The following KDM2B variants were observed in gnomAD, a reference collection of about 807,000 sequenced individuals.
KDM2B encodes the protein lysine demethylase 2B, also known as lysine-specific demethylase 2B.
KDM2B carries 26 observed loss-of-function variants against 150.0 expected under a neutral mutation model. That is an observed-to-expected ratio of 0.17 (90% CI 0.13 to 0.24). KDM2B has a LOEUF of 0.24. Among genes scored for constraint, KDM2B ranks in the 10% least tolerant of loss-of-function variants. The probability of loss-of-function intolerance (pLI) is 1.00; values close to 1 mark genes in which losing one functional copy is unlikely to be tolerated. For missense variants in KDM2B, 1,265 were observed against 1,816.9 expected (o/e 0.70, Z 5.52); for synonymous variants, 734 against 729.5 (o/e 1.01, Z -0.10).
intron 8 of KDM2B, among the ~76,000 whole-genome samples, chr12:121,529,711 C>A (rs1489915825): frequency 6.6e-6 from 1 of 151,362 alleles, no homozygotes; most frequent in Admixed American, 6.6e-5. Flanking sequence ...GGGTGGATCA[C>A]TTGACCCTAG....
chr12:121,569,826 TTTTCTTTC>T (rs58941915), intron 4 of KDM2B, among the ~76,000 whole-genome samples: 2 of 149,520 alleles, frequency 1.3e-5, no homozygotes, highest in Middle Eastern at 3.2e-3. Flanking sequence ...TTCTTTTTTC[TTTTCTTTC>T]TTTCTTTCTT....
At chr12:121,555,067 T>C (rs1889795281) in intron 4 of KDM2B, among the ~76,000 whole-genome samples, 1 of 152,078 alleles carries the variant, frequency 6.6e-6, no homozygotes, top group African/African-American at 2.4e-5. Flanking sequence ...ACACCAGTAT[T>C]CCCAGCTACT....
rs1880428087 is a variant in KDM2B, at chr12:121,468,929, C to T, written c.1735-15585G>A. ...CTCTCCTTTTTTTGAGACAGACTCT[C>T]ACTCTGTCGCCCAGGCTGGAGTGCA... is the stretch of plus-strand genomic sequence containing the variant. On this transcript the variant is annotated intron_variant, in intron 12 of 22. Coordinates refer to ENST00000377071, the MANE Select transcript of KDM2B (RefSeq NM_032590.5). The surrounding 1 kb of genome is among the most constrained non-coding windows in gnomAD (Gnocchi z 4.0). The T allele has an allele frequency of 1.3e-5, 2 of 152,196 alleles. No individual in the cohort carries two copies. Among genetic ancestry groups the T allele is most frequent in the Non-Finnish European group, 2.9e-5 (2 of 68,052 alleles). 9.4% of individuals were successfully genotyped at this position (152,196 alleles called of 1,614,324 possible). A position where few individuals can be genotyped will look rare whatever the true frequency, so the allele number is the denominator to read the frequency against.
intron 4 of KDM2B, among the ~76,000 whole-genome samples, chr12:121,572,415 C>T (rs782064775): frequency 1.3e-5 from 2 of 152,168 alleles, no homozygotes; most frequent in South Asian, 2.1e-4. Context: ...CTCACTCACT[C>T]ACTCAGTTCC....
downstream of KDM2B, among the ~76,000 whole-genome samples, chr12:121,425,341 T>C (rs1249355292): frequency 6.6e-6 from 1 of 151,684 alleles, no homozygotes; most frequent in East Asian, 1.9e-4. Flanking sequence ...ACTTGAGCTA[T>C]TATGCAAAAA....
chr12:121,433,020 G>A (rs1873317476), intron 22 of KDM2B: 2 of 408,624 alleles, frequency 4.9e-6, no homozygotes, highest in Admixed American at 2.9e-5. Context: ...GCAGTTACCT[G>A]TCGGTGGTAA....
At chr12:121,456,912 C>A (rs1359442198) in intron 12 of KDM2B, among the ~76,000 whole-genome samples, 1 of 152,186 alleles carries the variant, frequency 6.6e-6, no homozygotes, top group Non-Finnish European at 1.5e-5. Context: ...CCCTGTCTAG[C>A]CGCTGCCAAA....
At position 121,443,750 on chromosome 12, in the gene KDM2B, G is replaced by C; in HGVS notation, c.2495C>G (p.Ser832Trp). The C allele has an allele frequency of 1.2e-6, 2 of 1,610,432 alleles. No individual in the cohort carries two copies. Among genetic ancestry groups the C allele is most frequent in the Non-Finnish European group, 1.7e-6 (2 of 1,179,160 alleles). ...GCTGCTGCCTAGAGGGGGCCTCGGC[G>C]AGAGGTGAGAGGAGGAACCGGGGGA... ...QTSPGSSSHL[S>W]PRPPLGSSLS... Residue 832 changes from serine (S) to tryptophan (W), a missense_variant, in exon 17 of 23, where the codon TCG becomes TGG. Physicochemically the swap from Ser to Trp is radical, Grantham distance 177 (BLOSUM62 -3). Around this residue, in one of 11 missense-constraint regions of KDM2B, gnomAD observed 418 missense variants for 402.4 expected, o/e 1.04. Transcript: ENST00000377071.
intron 4 of KDM2B, among the ~76,000 whole-genome samples, chr12:121,569,794 G>A (rs564994351): frequency 4.2e-4 from 64 of 152,084 alleles, no homozygotes; most frequent in African/African-American, 1.5e-3. Flanking sequence ...AAGGGAGAGG[G>A]GGCTGGATGA....
chr12:121,548,017 A>G (rs1889204270), intron 6 of KDM2B, among the ~76,000 whole-genome samples: 1 of 152,176 alleles, frequency 6.6e-6, no homozygotes, highest in Non-Finnish European at 1.5e-5. Flanking sequence ...TCTGTTACTC[A>G]AGTCCTTGAA....
chr12:121,580,166 A>T, intron 1 of KDM2B: 1 of 1,403,362 alleles, frequency 7.1e-7, no homozygotes, highest in Non-Finnish European at 9.3e-7. Flanking sequence ...TAAATAAAGC[A>T]AGCCAGAGCC....
intron 12 of KDM2B, among the ~76,000 whole-genome samples, chr12:121,487,643 T>C (rs1882906999): frequency 6.6e-6 from 1 of 151,890 alleles, no homozygotes; most frequent in Admixed American, 6.6e-5. Context: ...TTTGACACCC[T>C]CTCCTCCTAC....
chr12:121,494,551 C>T (rs781850710), intron 12 of KDM2B, 28 bp downstream of exon 12: 16 of 1,587,656 alleles, frequency 1.0e-5, no homozygotes, highest in African/African-American at 6.7e-5. Flanking sequence ...GGGAAGCGGC[C>T]GCCCGCTGCA....
intron 4 of KDM2B, among the ~76,000 whole-genome samples, chr12:121,568,064 G>T (rs925514866): frequency 6.6e-6 from 1 of 151,964 alleles, no homozygotes; most frequent in African/African-American, 2.4e-5. Context: ...CCCCATCTGT[G>T]GTACTTTCTT....
the KDM2B span, among the ~76,000 whole-genome samples, chr12:121,422,249 G>C: frequency 6.6e-6 from 1 of 152,160 alleles, no homozygotes. Flanking sequence ...TCTCTGGCTT[G>C]GGTGGAACAC....
chr12:121,567,706 C>CTTTTTTT (rs1180847689), intron 4 of KDM2B, among the ~76,000 whole-genome samples: 3 of 120,932 alleles, frequency 2.5e-5, no homozygotes, highest in Non-Finnish European at 5.1e-5. Flanking sequence ...AAATACATTT[C>CTTTTTTT]TTTTTTTTTT....
Position 121,453,087 on chromosome 12 carries a change from T to A in KDM2B, c.1959+33A>T, listed in dbSNP as rs185534760. ...GCGGGCCGGCACGCAGGGGCCTGAA[T>A]CGAGCGCAGGGCTGGGCGGGGGCCG... On this transcript the variant is annotated intron_variant, in intron 13 of 22. Transcript: ENST00000377071. This position sits in a 1 kb window ranked among gnomAD's most constrained non-coding sequence, Gnocchi z 6.4. 6.4e-7 allele frequency: 1 copy of A among 1,558,702 alleles called. No homozygotes were observed. The highest frequency in any genetic ancestry group is 2.3e-4 in the Middle Eastern group (1 of 4,390).
intron 9 of KDM2B, chr12:121,516,838 G>A (rs1555305090): frequency 3.1e-6 from 2 of 651,670 alleles, no homozygotes; most frequent in Admixed American, 5.1e-5. Context: ...AGAGTGGGTG[G>A]AAGTGTCCTA....
intron 22 of KDM2B, among the ~76,000 whole-genome samples, chr12:121,434,500 CAAAAAAAAAAAA>C (rs1166374523): frequency 1.6e-5 from 1 of 62,284 alleles, no homozygotes; most frequent in African/African-American, 4.7e-5. Flanking sequence ...GACTCTCTAT[CAAAAAAAAAAAA>C]AAAAAAAAAG....
Sources: allele counts gnomAD v4.1 joint callset (sites outside exome capture counted in the v4.1 genomes callset), GRCh38; gene constraint gnomAD v4.1.1; regional missense constraint gnomAD v4.1.1; non-coding constraint Gnocchi (gnomAD v3.1); transcripts MANE v1.5; gene names NCBI Gene and HGNC (gene_info 2026-07-23, HGNC 2026-07-21).